The following BMPR1B variants were observed in gnomAD, a reference collection of about 807,000 sequenced individuals.
BMPR1B encodes the protein bone morphogenetic protein receptor type 1B.
Under a neutral mutation model 59.1 loss-of-function variants are expected in BMPR1B, and 12 were observed. The ratio of observed to expected loss-of-function variants is 0.20; its 90% CI spans 0.13 to 0.33. BMPR1B has a LOEUF of 0.33. Ranked by LOEUF, BMPR1B falls within the 10% of genes least tolerant of loss-of-function variation. The pLI is 1.00. For synonymous variants in BMPR1B, 237 were observed against 207.3 expected (o/e 1.14, Z -1.23); for missense variants, 550 against 610.9 (o/e 0.90, Z 1.05).
chr4:94,818,512 C>G (rs72669063), intron 1 of BMPR1B, among the ~76,000 whole-genome samples: 6,179 of 152,276 alleles, frequency 0.041, 135 homozygotes, highest in Non-Finnish European at 0.062. Flanking sequence ...ATTCAAGCTC[C>G]TACTATGTGC....
At chr4:95,138,601 C>T (rs183659206) in intron 10 of BMPR1B, among the ~76,000 whole-genome samples, 49 of 152,214 alleles carry the variant, frequency 3.2e-4, no homozygotes, top group Non-Finnish European at 6.0e-4. Flanking sequence ...AGGGTTTGTT[C>T]ATTACTTTTT....
intron 1 of BMPR1B, among the ~76,000 whole-genome samples, chr4:94,763,492 G>C (rs112716121): frequency 2.6e-5 from 4 of 152,064 alleles, no homozygotes; most frequent in African/African-American, 7.2e-5. Flanking sequence ...TGCATGTGGC[G>C]TCAGCTTTGG....
chr4:94,906,821 A>C (rs1362286615), intron 2 of BMPR1B, among the ~76,000 whole-genome samples: 1 of 152,062 alleles, frequency 6.6e-6, no homozygotes, highest in Non-Finnish European at 1.5e-5. Flanking sequence ...AGTTTTTATA[A>C]TTAGCTTATA....
At position 95,045,526 on chromosome 4, in the gene BMPR1B, T is replaced by G. The variant is rs114667209; in HGVS notation, c.-18+49392T>G. Among the ~76,000 whole-genome samples the G allele has an allele frequency of 3.0e-3, 450 of 152,318 alleles. 3 individuals are homozygous for G. Among genetic ancestry groups the G allele is most frequent in the African/African-American group, 0.01 (429 of 41,560 alleles). On this transcript the variant is annotated intron_variant, in intron 3 of 12. Transcript: ENST00000515059. Reference sequence around the variant, plus strand: ...TCTCTGCAAGCACTACTTTTTTTCTTACTCATAAATGTACTGTACTGCCTG... The same window carrying G: ...TCTCTGCAAGCACTACTTTTTTTCTGACTCATAAATGTACTGTACTGCCTG...
At chr4:94,873,162 C>T (rs1455438941) in intron 1 of BMPR1B, among the ~76,000 whole-genome samples, 3 of 152,114 alleles carry the variant, frequency 2.0e-5, no homozygotes, top group Non-Finnish European at 4.4e-5. Flanking sequence ...TCCATATGGC[C>T]AGAGCTTTAC....
At chr4:94,980,115 A>G (rs1489583218) in intron 2 of BMPR1B, among the ~76,000 whole-genome samples, 1 of 152,240 alleles carries the variant, frequency 6.6e-6, no homozygotes, top group Non-Finnish European at 1.5e-5. Context: ...GGAAAATACC[A>G]GAATAAGTCA....
At chr4:94,846,115 C>A (rs759783922) in intron 1 of BMPR1B, among the ~76,000 whole-genome samples, 1 of 152,106 alleles carries the variant, frequency 6.6e-6, no homozygotes, top group Admixed American at 6.5e-5. Flanking sequence ...AAAACAGATA[C>A]ATGTTACCAG....
At chr4:94,801,822 A>T (rs897776962) in intron 1 of BMPR1B, among the ~76,000 whole-genome samples, 1 of 152,232 alleles carries the variant, frequency 6.6e-6, no homozygotes. Context: ...TTTGCTGAGC[A>T]GTAGATAAAA....
At chr4:94,767,552 C>G (rs1206256443) in intron 1 of BMPR1B, among the ~76,000 whole-genome samples, 1 of 152,138 alleles carries the variant, frequency 6.6e-6, no homozygotes, top group Non-Finnish European at 1.5e-5. Flanking sequence ...TTAAATCAAT[C>G]ACTCCTTTAA....
At chr4:94,773,418 A>G (rs1229817384) in intron 1 of BMPR1B, among the ~76,000 whole-genome samples, 2 of 152,036 alleles carry the variant, frequency 1.3e-5, no homozygotes, top group African/African-American at 4.8e-5. Flanking sequence ...AGATTTTATA[A>G]TTCTTTATAT....
chr4:94,773,473 A>T (rs1368502329), intron 1 of BMPR1B, among the ~76,000 whole-genome samples: 1 of 152,106 alleles, frequency 6.6e-6, no homozygotes, highest in East Asian at 1.9e-4. Context: ...AGTACCATTT[A>T]CACAATTTTA....
intron 1 of BMPR1B, among the ~76,000 whole-genome samples, chr4:94,759,699 T>A (rs888998978): frequency 6.6e-6 from 1 of 152,246 alleles, no homozygotes; most frequent in Non-Finnish European, 1.5e-5. Flanking sequence ...TCAGTAATTT[T>A]AAAACATGAG....
rs76247242 is a variant in BMPR1B, at chr4:94,825,229, G to A, written c.-182-50602G>A. Among the ~76,000 whole-genome samples, 1,129 of 152,252 alleles carry A rather than the reference G, an allele frequency of 7.4e-3. 16 individuals are homozygous for A. The highest frequency in any genetic ancestry group is 0.026 in the African/African-American group (1,081 of 41,564). On this transcript the variant is annotated intron_variant, in intron 1 of 12. Transcript: ENST00000515059. The stretch of plus-strand genomic sequence containing the variant: ...AGCTATAAGAATAGTACTACTGGGT[G>A]TGGTAGCTCATGCCTGTAATCCCAG...
intron 1 of BMPR1B, among the ~76,000 whole-genome samples, chr4:94,854,973 GGATTCACATTCT>G (rs1178105448): frequency 1.3e-5 from 2 of 152,058 alleles, no homozygotes; most frequent in Admixed American, 6.6e-5. Context: ...TAAGGACAAA[GGATTCACATTCT>G]TTTATTCCAG....
At chr4:94,809,911 A>G (rs1723748459) in intron 1 of BMPR1B, among the ~76,000 whole-genome samples, 1 of 152,262 alleles carries the variant, frequency 6.6e-6, no homozygotes, top group Non-Finnish European at 1.5e-5. Context: ...ATTTCACTCT[A>G]GAATCTGAAT....
intron 1 of BMPR1B, among the ~76,000 whole-genome samples, chr4:94,775,852 G>A (rs928000196): frequency 6.6e-6 from 1 of 152,204 alleles, no homozygotes; most frequent in Non-Finnish European, 1.5e-5. Flanking sequence ...AGCACGCTGG[G>A]AGGCGGAGGC....
intron 2 of BMPR1B, among the ~76,000 whole-genome samples, chr4:94,950,791 A>T (rs2149054247): frequency 6.6e-6 from 1 of 152,252 alleles, no homozygotes; most frequent in African/African-American, 2.4e-5. Context: ...TTGGTTCCAT[A>T]TGAAATTTAA....
intron 3 of BMPR1B, among the ~76,000 whole-genome samples, chr4:95,081,654 A>G (rs1729147894): frequency 6.6e-6 from 1 of 152,206 alleles, no homozygotes; most frequent in South Asian, 2.1e-4. Flanking sequence ...TTATCAGAAT[A>G]TGAAAATTTC....
chr4:95,043,841 A>T (rs1420534042), intron 3 of BMPR1B, among the ~76,000 whole-genome samples: 1 of 152,050 alleles, frequency 6.6e-6, no homozygotes, highest in African/African-American at 2.4e-5. Flanking sequence ...GTATCAGAAG[A>T]TATCATCATA....
Sources: allele counts gnomAD v4.1 joint callset (sites outside exome capture counted in the v4.1 genomes callset), GRCh38; gene constraint gnomAD v4.1.1; transcripts MANE v1.5; gene names NCBI Gene and HGNC (gene_info 2026-07-23, HGNC 2026-07-21).